Variants in ODF2 observed in about 807,000 individuals in gnomAD.
ODF2 encodes the protein outer dense fiber protein 2.
Under a neutral mutation model 110.2 loss-of-function variants are expected in ODF2, and 47 were observed. The ratio of observed to expected loss-of-function variants is 0.43; its 90% CI spans 0.34 to 0.54. The LOEUF (loss-of-function observed/expected upper bound fraction) is 0.54, where lower values mean the gene tolerates loss of function less well. ODF2 is among the 20% of genes least tolerant of loss of function. The pLI, the probability that ODF2 is intolerant of heterozygous loss-of-function variation, is 0.03. For missense variants in ODF2, 812 were observed against 1,054.5 expected, an observed-to-expected ratio of 0.77 and a Z score of 3.19; for synonymous variants, 352 against 397.7, an observed-to-expected ratio of 0.89 and a Z score of 1.37.
rs952776408 is a variant in ODF2, at chr9:128,494,402, G to C, written c.1753-108G>C. 2 of 955,300 alleles carry C rather than the reference G, an allele frequency of 2.1e-6. No homozygotes were observed. The highest frequency in any genetic ancestry group is 3.2e-6 in the Non-Finnish European group (2 of 624,234). 59.2% of individuals were successfully genotyped at this position (955,300 alleles called of 1,614,324 possible). A position where few individuals can be genotyped will look rare whatever the true frequency, so the allele number is the denominator to read the frequency against. On this transcript the variant is annotated intron_variant, in intron 16 of 20. Transcript: ENST00000604420. This position sits in a 1 kb window ranked among gnomAD's most constrained non-coding sequence, Gnocchi z 4.6. The stretch of plus-strand genomic sequence containing the variant: ...TTTGCAGGATCCTCCACTGGGGACT[G>C]TGTCAGCCCTGCCCTAACTCTAAAG...
At chr9:128,473,071 A>C (rs1472491647) in intron 7 of ODF2, 29 bp downstream of exon 7, 1 of 1,613,382 alleles carries the variant, frequency 6.2e-7, no homozygotes, top group South Asian at 1.1e-5. Context: ...GACCCCAGCC[A>C]TGGAACTGGC....
intron 14 of ODF2, among the ~76,000 whole-genome samples, chr9:128,489,093 C>CA (rs1844010682): frequency 1.3e-5 from 2 of 152,156 alleles, no homozygotes; most frequent in Admixed American, 1.3e-4. Context: ...TAGGAAGTAT[C>CA]AGAGTTGAGA....
intron 1 of ODF2, 179 bp downstream of exon 1, chr9:128,456,434 G>T: frequency 1.3e-6 from 2 of 1,504,906 alleles, no homozygotes; most frequent in Non-Finnish European, 1.8e-6. Context: ...ACCGGCGCGG[G>T]GCCTCTCCTC....
At chr9:128,465,005 T>C (rs1837483908) in intron 4 of ODF2, among the ~76,000 whole-genome samples, 1 of 152,170 alleles carries the variant, frequency 6.6e-6, no homozygotes, top group African/African-American at 2.4e-5. Flanking sequence ...TCCTTGGTAG[T>C]TTTCAAAGTA....
chr9:128,473,767 C>T (rs1840611277), intron 8 of ODF2, 26 bp downstream of exon 8: 18 of 1,603,602 alleles, frequency 1.1e-5, no homozygotes, highest in Non-Finnish European at 1.5e-5. Flanking sequence ...GGCTCTTTCC[C>T]TCCAGCTCTG....
chr9:128,488,923 C>T (rs1420109725), intron 14 of ODF2, among the ~76,000 whole-genome samples: 1 of 152,186 alleles, frequency 6.6e-6, no homozygotes, highest in African/African-American at 2.4e-5. Context: ...AGGAGAATTG[C>T]TTGAGCCCAG....
At chr9:128,455,945 C>G, upstream of ODF2, 2 of 1,404,484 alleles carry the variant, frequency 1.4e-6, no homozygotes, top group South Asian at 1.6e-5. Flanking sequence ...GCCAGGCCCG[C>G]TGGACGCGTA....
At chr9:128,463,636 T>A (rs761846552) in intron 4 of ODF2, among the ~76,000 whole-genome samples, 1 of 152,138 alleles carries the variant, frequency 6.6e-6, no homozygotes, top group Admixed American at 6.6e-5. Flanking sequence ...TAATGAAGCA[T>A]GGAGATGCAC....
rs755966189 is a variant in ODF2, at chr9:128,457,438, G to A, written c.32+1G>A. On this transcript the variant is annotated splice_donor_variant, in intron 2 of 20. Transcript: ENST00000604420. LOFTEE classifies it high-confidence loss of function. ...CCTCATCCTCAGGCGGCTCCCCCAG[G>A]TATTGCCGATGTGGGAGGCGCCTGC... 6.2e-7 allele frequency: 1 copy of A among 1,610,548 alleles called. No homozygotes were observed.
chr9:128,477,023 C>T (rs1259275735), intron 8 of ODF2, among the ~76,000 whole-genome samples: 1 of 151,244 alleles, frequency 6.6e-6, no homozygotes, highest in Non-Finnish European at 1.5e-5. Flanking sequence ...GCAGGTGGAA[C>T]ACTTGAGGTC....
chr9:128,456,257 T>G lies in ODF2; in HGVS notation c.-209+2T>G. 2 of 1,534,008 alleles carry G rather than the reference T, an allele frequency of 1.3e-6. No individual in the cohort carries two copies. The highest frequency in any genetic ancestry group is 2.4e-5 in the South Asian group (2 of 82,010). ...CTGGGCGCAGCCGTGTCGCTCCTGG[T>G]GAGAGGCCGCCGGCAGGCGGGATCC... On this transcript the variant is annotated splice_donor_variant, in intron 1 of 20. Coordinates refer to ENST00000604420, the Ensembl canonical transcript of ODF2. LOFTEE classifies it low-confidence loss of function (5UTR_SPLICE).
At chr9:128,457,620 C>T (rs148588551) in intron 2 of ODF2, among the ~76,000 whole-genome samples, 22 of 152,332 alleles carry the variant, frequency 1.4e-4, no homozygotes, top group African/African-American at 4.8e-4. Flanking sequence ...CCTAGCTCTA[C>T]CTCCCTCGCT....
chr9:128,456,897 G>T (rs2131392960), intron 1 of ODF2: 2 of 1,279,516 alleles, frequency 1.6e-6, no homozygotes, highest in East Asian at 3.8e-5. Flanking sequence ...GGTCCTCTCG[G>T]GCATCTGTTC....
At chr9:128,489,955 C>G (rs937667506) in intron 14 of ODF2, among the ~76,000 whole-genome samples, 4 of 152,160 alleles carry the variant, frequency 2.6e-5, no homozygotes, top group African/African-American at 9.7e-5. Flanking sequence ...TATTGAGTGT[C>G]TTATTTTATG....
chr9:128,478,443 A>G (rs1588881905), intron 8 of ODF2, among the ~76,000 whole-genome samples: 1 of 152,102 alleles, frequency 6.6e-6, no homozygotes, highest in East Asian at 1.9e-4. Flanking sequence ...ACTAAAATAC[A>G]AAAAAATGAG....
At chr9:128,460,947 T>G in exon 4 of ODF2, 2 of 1,614,158 alleles carry the variant, frequency 1.2e-6, no homozygotes. Flanking sequence ...CACAGAAATC[T>G]CACAAGCGAG....
chr9:128,487,559 G>A (rs1444975535), intron 13 of ODF2, among the ~76,000 whole-genome samples: 4 of 151,984 alleles, frequency 2.6e-5, no homozygotes, highest in Non-Finnish European at 5.9e-5. Flanking sequence ...AGGCCGAGGC[G>A]GGCAGATCAC....
chr9:128,471,824 A>G (rs555377937), intron 6 of ODF2, among the ~76,000 whole-genome samples: 3 of 152,196 alleles, frequency 2.0e-5, no homozygotes, highest in South Asian at 2.1e-4. Context: ...CGAAGGCCCC[A>G]AGGTGGGAAA....
In ODF2 at chr9:128,485,561, C is replaced by T; in HGVS notation, c.1400+87C>T. On this transcript the variant is annotated intron_variant, in intron 13 of 20. Transcript: ENST00000604420. The surrounding 1 kb of genome is among the most constrained non-coding windows in gnomAD (Gnocchi z 5.0). ...AGGGGCCTAGTGGCTCAGGGAAGGC[C>T]ACGTGGCTGCTGTTTGTACTCTCCG... 1 of 709,696 alleles carries T rather than the reference C, an allele frequency of 1.4e-6. No homozygotes were observed. The highest frequency in any genetic ancestry group is 2.5e-6 in the Non-Finnish European group (1 of 394,828). 44.0% of individuals were successfully genotyped at this position (709,696 alleles called of 1,614,324 possible).
Sources: allele counts gnomAD v4.1 joint callset (sites outside exome capture counted in the v4.1 genomes callset), GRCh38; gene constraint gnomAD v4.1.1; non-coding constraint Gnocchi (gnomAD v3.1); transcripts MANE v1.5; gene names NCBI Gene and HGNC (gene_info 2026-07-23, HGNC 2026-07-21).